Variants in SNX6 observed in about 807,000 individuals in gnomAD.
SNX6 encodes the protein sorting nexin-6.
SNX6 carries 34 observed loss-of-function variants against 63.0 expected under a neutral mutation model. That is an observed-to-expected ratio of 0.54 (90% confidence interval 0.41 to 0.72). The LOEUF is 0.72. SNX6 is among the 30% of genes least tolerant of loss of function. The probability of loss-of-function intolerance (pLI) is 0.00; values close to 1 mark genes in which losing one functional copy is unlikely to be tolerated. For synonymous variants in SNX6, 170 were observed against 164.2 expected (o/e 1.04, Z -0.27); for missense variants, 398 against 471.4 (o/e 0.84, Z 1.44).
intron 9 of SNX6, among the ~76,000 whole-genome samples, chr14:34,582,127 C>CCT: frequency 6.9e-6 from 1 of 144,800 alleles, no homozygotes. Context: ...ACGCCCGGCC[C>CCT]TGATTTTTTT....
intron 8 of SNX6, among the ~76,000 whole-genome samples, chr14:34,587,532 C>CAAAAAAAAAAAAA (rs34380966): frequency 1.7e-5 from 1 of 57,806 alleles, no homozygotes; most frequent in African/African-American, 7.2e-5. Flanking sequence ...GACTCCATCT[C>CAAAAAAAAAAAAA]AAAAAAAAAA....
rs1371271024 is a variant in SNX6, at chr14:34,603,423, G to A, written c.441C>T (p.Phe147=). The A allele has an allele frequency of 3.7e-6, 6 of 1,607,998 alleles. No homozygotes were observed. The highest frequency in any genetic ancestry group is 5.1e-6 in the Non-Finnish European group (6 of 1,176,858). ...FKKTVAMHEV[F]LCRVAAHPIL... is the part of the protein sequence containing the mutation. ...TAGGATGTGCTGCCACACGACACAG[G>A]AACACTTCATGCATCGCAACTGTCT... Residue 147 remains phenylalanine, a synonymous_variant, in exon 6 of 14, where the codon TTC becomes TTT. Coordinates refer to ENST00000362031, the MANE Select transcript of SNX6 (RefSeq NM_152233.4).
intron 4 of SNX6, among the ~76,000 whole-genome samples, chr14:34,606,195 T>TA (rs202006493): frequency 1.2e-4 from 18 of 144,354 alleles, no homozygotes; most frequent in African/African-American, 3.9e-4. Flanking sequence ...AGTTATCTAA[T>TA]CTTTTTTTTT....
intron 6 of SNX6, among the ~76,000 whole-genome samples, chr14:34,599,623 A>T (rs1183271369): frequency 6.6e-6 from 1 of 151,524 alleles, no homozygotes; most frequent in Admixed American, 6.6e-5. Context: ...AAAAAAAAAA[A>T]ATTAGCCGGG....
rs372044833 is a variant in SNX6, at chr14:34,563,619, T to C, written c.1168-444A>G. ...TAGAAGTCATATGACTTTATCGATA[T>C]ATTAGAAATTTTAAAACAGCCATTC... On this transcript the variant is annotated intron_variant, in intron 13 of 13. Transcript: ENST00000362031. 1.0e-3 allele frequency among the ~76,000 whole-genome samples: 159 copies of C among 152,124 alleles called. 1 individual carries two copies. The South Asian group carries it at 0.032, about 31-fold the overall frequency.
At chr14:34,601,318 C>T (rs1235445342) in intron 6 of SNX6, among the ~76,000 whole-genome samples, 2 of 151,858 alleles carry the variant, frequency 1.3e-5, no homozygotes, top group Admixed American at 6.6e-5. Flanking sequence ...CTCCGCCTCC[C>T]GGGGTCAAGC....
At chr14:34,578,838 C>G (rs1179978523) in intron 10 of SNX6, among the ~76,000 whole-genome samples, 1 of 141,974 alleles carries the variant, frequency 7.0e-6, no homozygotes, top group East Asian at 2.2e-4. Flanking sequence ...ACTCGGGAGG[C>G]TGAGGCAGGC....
At chr14:34,618,031 G>C (rs887356134) in intron 2 of SNX6, among the ~76,000 whole-genome samples, 7 of 152,156 alleles carry the variant, frequency 4.6e-5, no homozygotes, top group Middle Eastern at 3.4e-3. Flanking sequence ...TTCATATTTT[G>C]ACAGCAAAGC....
intron 2 of SNX6, among the ~76,000 whole-genome samples, chr14:34,615,343 T>G (rs528327107): frequency 1.3e-5 from 2 of 152,296 alleles, no homozygotes; most frequent in East Asian, 3.9e-4. Context: ...TGCCTCAGCC[T>G]CCTAAGCAAT....
chr14:34,625,503 C>T (rs918586979), intron 2 of SNX6, among the ~76,000 whole-genome samples: 9 of 151,984 alleles, frequency 5.9e-5, no homozygotes, highest in African/African-American at 2.2e-4. Context: ...GAGGCCGAGG[C>T]GGGCAGATCC....
At chr14:34,578,098 G>T (rs894826965) in intron 10 of SNX6, among the ~76,000 whole-genome samples, 1 of 152,046 alleles carries the variant, frequency 6.6e-6, no homozygotes, top group African/African-American at 2.4e-5. Flanking sequence ...CAGGTACTTG[G>T]GAGGCTGAGG....
chr14:34,568,258 T>C (rs1881281326), intron 11 of SNX6, among the ~76,000 whole-genome samples: 1 of 150,342 alleles, frequency 6.7e-6, no homozygotes, highest in Admixed American at 6.7e-5. Context: ...TTAAGACGGA[T>C]TCTCGCTCTG....
chr14:34,607,798 C>A (rs1328052264), intron 4 of SNX6, among the ~76,000 whole-genome samples: 1 of 152,048 alleles, frequency 6.6e-6, no homozygotes, highest in Non-Finnish European at 1.5e-5. Context: ...ATCCCAGCTA[C>A]TTGGGAGGCT....
In SNX6 at chr14:34,567,716, T is replaced by C. The variant is rs1451906484; in HGVS notation, c.1137A>G (p.Glu379=). 1.9e-6 allele frequency: 3 copies of C among 1,613,868 alleles called. No homozygotes were observed. Among genetic ancestry groups the C allele is most frequent in the South Asian group, 1.1e-5 (1 of 91,070 alleles). The change falls in exon 13 of 14, where the codon GAA becomes GAG. Residue 379 remains glutamate, a synonymous_variant. Transcript: ENST00000362031. ...CATGCTTCAGTTCTAACTCTGCCAG[T>C]TCCACTAAATTTTTTCTGAATGCAG... ...RVAAFRKNLV[E]LAELELKHAK... is the part of the protein sequence containing the mutation.
intron 11 of SNX6, among the ~76,000 whole-genome samples, chr14:34,571,780 A>G (rs866709971): frequency 1.6e-4 from 25 of 152,200 alleles, no homozygotes; most frequent in Non-Finnish European, 3.4e-4. Flanking sequence ...CATCCATTGA[A>G]TATTTGCGTT....
At chr14:34,606,175 A>C (rs1489655701) in intron 4 of SNX6, among the ~76,000 whole-genome samples, 1 of 142,364 alleles carries the variant, frequency 7.0e-6, no homozygotes, top group African/African-American at 2.6e-5. Flanking sequence ...CCCTGTCTCC[A>C]AAAAAAAAAA....
chr14:34,592,937 G>A, intron 8 of SNX6, 108 bp downstream of exon 8: 1 of 772,742 alleles, frequency 1.3e-6, no homozygotes, highest in Non-Finnish European at 2.1e-6. Flanking sequence ...GGCTCCAACA[G>A]ACCAGTTTGA....
chr14:34,571,964 G>C (rs1233119739), intron 11 of SNX6, among the ~76,000 whole-genome samples: 1 of 152,110 alleles, frequency 6.6e-6, no homozygotes. Flanking sequence ...AGGATAACAG[G>C]GGTGAGCCAC....
intron 10 of SNX6, among the ~76,000 whole-genome samples, chr14:34,578,862 C>G (rs1043363629): frequency 1.0e-4 from 14 of 133,926 alleles, no homozygotes; most frequent in African/African-American, 3.8e-4. Flanking sequence ...TTGCTTGAAC[C>G]TGGGAGGCGG....
Sources: gnomAD v4.1 joint callset for allele counts (sites outside exome capture counted in the v4.1 genomes callset) on GRCh38, gnomAD v4.1.1 for gene constraint, MANE v1.5 for transcripts, NCBI Gene and HGNC (gene_info 2026-07-23, HGNC 2026-07-21) for gene names.